The following SEPTIN7 variants were observed in gnomAD, a reference collection of about 807,000 sequenced individuals.
SEPTIN7 encodes the protein septin-7.
Under a neutral mutation model 63.3 loss-of-function variants are expected in SEPTIN7, and 10 were observed. The observed-to-expected ratio is 0.16, with a 90% confidence interval of 0.10 to 0.27. SEPTIN7 has a LOEUF of 0.27. SEPTIN7 is among the 10% of genes least tolerant of loss of function. The pLI is 1.00. For missense variants in SEPTIN7, 310 were observed against 521.0 expected, an observed-to-expected ratio of 0.59 and a Z score of 3.94; for synonymous variants, 131 against 165.3, an observed-to-expected ratio of 0.79 and a Z score of 1.59.
downstream of SEPTIN7, among the ~76,000 whole-genome samples, chr7:35,907,314 A>G (rs571203432): frequency 6.6e-6 from 1 of 152,168 alleles, no homozygotes; most frequent in East Asian, 1.9e-4. Context: ...CTTGTACTTC[A>G]TCCAGAATTT....
At chr7:35,913,399 TTC>T in the SEPTIN7 span, among the ~76,000 whole-genome samples, 7 of 151,586 alleles carry the variant, frequency 4.6e-5, no homozygotes, top group Non-Finnish European at 1.0e-4. Context: ...CTTTCTTTCT[TTC>T]TTTCTCTTTC....
At chr7:35,913,295 A>G in the SEPTIN7 span, among the ~76,000 whole-genome samples, 7 of 152,096 alleles carry the variant, frequency 4.6e-5, no homozygotes, top group Non-Finnish European at 8.8e-5. Context: ...CACCCTCCTG[A>G]TCTTCTCTGT....
chr7:35,839,677 C>G (rs2115957154), intron 3 of SEPTIN7, among the ~76,000 whole-genome samples: 1 of 152,128 alleles, frequency 6.6e-6, no homozygotes, highest in East Asian at 1.9e-4. Context: ...TCAGCCTCCC[C>G]AGTAGCTGGG....
chr7:35,831,941 A>T, intron 2 of SEPTIN7: 1 of 301,098 alleles, frequency 3.3e-6, no homozygotes, highest in African/African-American at 2.3e-5. Flanking sequence ...CTATTTTTTA[A>T]TGTTGAGATA....
rs982711013 is a variant in SEPTIN7, at chr7:35,801,111, C to G, written c.-99C>G. 2 of 967,892 alleles carry G rather than the reference C, an allele frequency of 2.1e-6. No individual in the cohort carries two copies. The highest frequency in any genetic ancestry group is 2.9e-6 in the Non-Finnish European group (2 of 686,488). 60.0% of individuals were successfully genotyped at this position (967,892 alleles called of 1,614,324 possible). ...CCTGCTGTAGCGTGCGTAAGCAAGG[C>G]AGCTACGCCGGGCGGCTACGCTGCG... On this transcript the variant is annotated 5_prime_UTR_variant, in exon 1 of 14. Coordinates refer to ENST00000350320, the MANE Select transcript of SEPTIN7 (RefSeq NM_001788.6).
At chr7:35,834,479 A>C (rs1489575512) in intron 3 of SEPTIN7, among the ~76,000 whole-genome samples, 1 of 152,014 alleles carries the variant, frequency 6.6e-6, no homozygotes, top group Non-Finnish European at 1.5e-5. Context: ...TTTTCTAATT[A>C]ATCCCTTTGT....
intron 10 of SEPTIN7, among the ~76,000 whole-genome samples, chr7:35,886,912 T>G (rs2116311628): frequency 6.6e-6 from 1 of 152,322 alleles, no homozygotes; most frequent in Admixed American, 6.5e-5. Flanking sequence ...ATTAAATAAA[T>G]GGCATGTAAT....
At chr7:35,889,423 A>G (rs1452668668) in intron 10 of SEPTIN7, among the ~76,000 whole-genome samples, 1 of 152,218 alleles carries the variant, frequency 6.6e-6, no homozygotes, top group African/African-American at 2.4e-5. Flanking sequence ...GTCAGTACGA[A>G]ATGAATCAGA....
rs551678463 is a variant in SEPTIN7, at chr7:35,810,609, C to G, written c.61+9339C>G. Among the ~76,000 whole-genome samples the G allele has an allele frequency of 3.1e-4, 47 of 152,236 alleles. 1 individual carries two copies. The South Asian group carries it at 9.5e-3, about 31-fold the overall frequency. On this transcript the variant is annotated intron_variant, in intron 1 of 13. Coordinates refer to ENST00000350320, the MANE Select transcript of SEPTIN7 (RefSeq NM_001788.6). Reference sequence around the variant, plus strand: ...AAGTGCTGGGATTACAGGCGTGAGCCACCGCGCCCAGCCAGATGTTTACTT... The same window carrying G: ...AAGTGCTGGGATTACAGGCGTGAGCGACCGCGCCCAGCCAGATGTTTACTT...
rs1460205098 is a variant in SEPTIN7 at position 35,905,029 on chromosome 7, A to T, written c.*736A>T. ...ATATAGCATCTTTCATATGGTAGGA[A>T]CCAACAAGGAAACTTTCCTTTAACT... On this transcript the variant is annotated 3_prime_UTR_variant, in exon 14 of 14. Coordinates refer to ENST00000350320, the MANE Select transcript of SEPTIN7 (RefSeq NM_001788.6). 1.3e-5 allele frequency: 2 copies of T among 152,624 alleles called. No homozygotes were observed. The highest frequency in any genetic ancestry group is 2.9e-5 in the Non-Finnish European group (2 of 68,036). The allele number at this position is 152,624 out of a possible 1,614,324, so 9.5% of individuals were successfully genotyped here.
chr7:35,880,535 G>A (rs1262246189), intron 7 of SEPTIN7, among the ~76,000 whole-genome samples: 1 of 151,454 alleles, frequency 6.6e-6, no homozygotes, highest in African/African-American at 2.4e-5. Context: ...GTAAACATCT[G>A]CTCAAATCCT....
chr7:35,809,648 TAGGTAAAGG>T (rs1405140664), intron 1 of SEPTIN7, among the ~76,000 whole-genome samples: 2 of 152,292 alleles, frequency 1.3e-5, no homozygotes, highest in South Asian at 2.1e-4. Flanking sequence ...TAGGAGTGAT[TAGGTAAAGG>T]AGGTGAAGGA....
intron 3 of SEPTIN7, among the ~76,000 whole-genome samples, chr7:35,853,779 A>G (rs550180873): frequency 6.6e-6 from 1 of 152,272 alleles, no homozygotes; most frequent in South Asian, 2.1e-4. Flanking sequence ...ATATGGTCCA[A>G]CCTGGTTAAC....
At chr7:35,827,388 G>A (rs927370398) in intron 1 of SEPTIN7, among the ~76,000 whole-genome samples, 20 of 152,166 alleles carry the variant, frequency 1.3e-4, no homozygotes, top group African/African-American at 4.3e-4. Flanking sequence ...TCAGTGGGTG[G>A]TTAAGTCTTT....
intron 12 of SEPTIN7, chr7:35,900,463 A>C (rs1469290600): frequency 6.6e-6 from 1 of 152,244 alleles, no homozygotes; most frequent in Non-Finnish European, 1.5e-5. Context: ...ATTATAAATG[A>C]ATAATTAAAG....
the SEPTIN7 span, among the ~76,000 whole-genome samples, chr7:35,914,413 C>T: frequency 1.3e-5 from 2 of 152,152 alleles, no homozygotes; most frequent in Non-Finnish European, 2.9e-5. Context: ...ATGGGCCTCA[C>T]TTAATCAGTT....
downstream of SEPTIN7, among the ~76,000 whole-genome samples, chr7:35,907,408 C>T (rs1788649638): frequency 1.3e-5 from 2 of 152,110 alleles, no homozygotes; most frequent in African/African-American, 4.8e-5. Context: ...TTATTTAATC[C>T]TTAATGATAA....
chr7:35,883,820 G>GT, intron 8 of SEPTIN7, 71 bp from the exon 9 acceptor site: 1 of 829,548 alleles, frequency 1.2e-6, no homozygotes, highest in Non-Finnish European at 1.8e-6. Context: ...GTTGAGTAAT[G>GT]TAACTTTTTT....
chr7:35,893,230 A>ACT (rs199968532), intron 11 of SEPTIN7, among the ~76,000 whole-genome samples: 467 of 16,426 alleles, frequency 0.028, 5 homozygotes, highest in Middle Eastern at 0.071. Flanking sequence ...CTCTCATGTG[A>ACT]CTCTATAGCA....
Sources: gnomAD v4.1 joint callset for allele counts (sites outside exome capture counted in the v4.1 genomes callset) on GRCh38, gnomAD v4.1.1 for gene constraint, MANE v1.5 for transcripts, NCBI Gene and HGNC (gene_info 2026-07-23, HGNC 2026-07-21) for gene names.